The following MGAT4A variants were observed in gnomAD, a reference collection of about 807,000 sequenced individuals.
The protein encoded by MGAT4A is alpha-1,3-mannosyl-glycoprotein 4-beta-N-acetylglucosaminyltransferase A, also known as N-acetylglucosaminyltransferase IVa.
A neutral mutation model predicts 74.1 loss-of-function variants in MGAT4A; 33 were observed. The observed-to-expected ratio is 0.45, with a 90% CI of 0.34 to 0.60. The LOEUF (loss-of-function observed/expected upper bound fraction) is 0.60. Among genes scored for constraint, MGAT4A ranks in the 20% least tolerant of loss-of-function variants. The probability of loss-of-function intolerance (pLI) is 0.02; values close to 1 mark genes in which losing one functional copy is unlikely to be tolerated. For synonymous variants in MGAT4A, 198 were observed against 210.4 expected, an observed-to-expected ratio of 0.94 and a Z score of 0.51; for missense variants, 479 against 628.3, an observed-to-expected ratio of 0.76 and a Z score of 2.54.
chr2:98,625,084 C>A lies in MGAT4A; in HGVS notation c.*482G>T. The A allele has an allele frequency of 1.0e-6, 1 of 966,580 alleles. No homozygotes were observed. The highest frequency in any genetic ancestry group is 1.2e-6 in the Non-Finnish European group (1 of 812,848). 59.9% of individuals were successfully genotyped at this position (966,580 alleles called of 1,614,324 possible). On this transcript the variant is annotated 3_prime_UTR_variant, in exon 16 of 16. Transcript: ENST00000393487. ...AGTATCGATTCAAAAATCTACTGCA[C>A]AAAAATATGTACTTCTTAAGTGTTT...
At chr2:98,699,939 C>G (rs901830511) in intron 2 of MGAT4A, among the ~76,000 whole-genome samples, 1 of 152,126 alleles carries the variant, frequency 6.6e-6, no homozygotes, top group African/African-American at 2.4e-5. Context: ...ACATCTCTTG[C>G]CTGAGTCACG....
At chr2:98,631,879 G>A (rs916818012) in intron 14 of MGAT4A, among the ~76,000 whole-genome samples, 68 of 151,632 alleles carry the variant, frequency 4.5e-4, no homozygotes, top group East Asian at 7.8e-4. Flanking sequence ...CAGCACTTTG[G>A]GAGGCCGAGG....
In MGAT4A at chr2:98,624,448, C is replaced by G; in HGVS notation, c.*1118G>C. On this transcript the variant is annotated 3_prime_UTR_variant, in exon 16 of 16. Transcript: ENST00000393487. ...TAAATACAGTCTCTTGGACACGGGA[C>G]TCACTTATCAGTTCATACTACAATA... 2 of 966,920 alleles carry G rather than the reference C, an allele frequency of 2.1e-6. No homozygotes were observed. Among genetic ancestry groups the G allele is most frequent in the Non-Finnish European group, 2.5e-6 (2 of 813,210 alleles). 59.9% of individuals were successfully genotyped at this position (966,920 alleles called of 1,614,324 possible). A position where few individuals can be genotyped will look rare whatever the true frequency, so the allele number is the denominator to read the frequency against.
At chr2:98,715,419 G>T (rs913698022) in intron 2 of MGAT4A, among the ~76,000 whole-genome samples, 2 of 150,870 alleles carry the variant, frequency 1.3e-5, no homozygotes, top group African/African-American at 4.9e-5. Flanking sequence ...GATGGAAACA[G>T]AAAGTTACAT....
chr2:98,717,244 T>C (rs1053795588), intron 2 of MGAT4A, among the ~76,000 whole-genome samples: 4 of 151,822 alleles, frequency 2.6e-5, no homozygotes, highest in Non-Finnish European at 4.4e-5. Flanking sequence ...CCAGGCATAG[T>C]AGAGGGCACC....
chr2:98,684,880 T>A (rs1489374730), intron 2 of MGAT4A, among the ~76,000 whole-genome samples: 1 of 152,198 alleles, frequency 6.6e-6, no homozygotes, highest in Non-Finnish European at 1.5e-5. Context: ...ACTCTTTATT[T>A]CTTAATTTAA....
At chr2:98,723,327 G>A (rs1702709636) in intron 2 of MGAT4A, among the ~76,000 whole-genome samples, 1 of 152,176 alleles carries the variant, frequency 6.6e-6, no homozygotes, top group Admixed American at 6.5e-5. Context: ...GCAGAAGCAG[G>A]AGGAGAGCCG....
At chr2:98,664,179 T>C (rs1701792282) in intron 4 of MGAT4A, among the ~76,000 whole-genome samples, 1 of 106,786 alleles carries the variant, frequency 9.4e-6, no homozygotes. Flanking sequence ...CCAGCCTGGG[T>C]GACAAAGCAA....
At chr2:98,649,757 CAG>C (rs1365475851) in intron 8 of MGAT4A, among the ~76,000 whole-genome samples, 3 of 152,092 alleles carry the variant, frequency 2.0e-5, no homozygotes, top group African/African-American at 7.2e-5. Flanking sequence ...CAAAGGGCTC[CAG>C]AGTCTTTAAC....
At chr2:98,632,890 G>A (rs1161828887) in intron 14 of MGAT4A, among the ~76,000 whole-genome samples, 1 of 152,202 alleles carries the variant, frequency 6.6e-6, no homozygotes, top group Non-Finnish European at 1.5e-5. Flanking sequence ...CTACTAAGTA[G>A]CTGGAACTAC....
intron 8 of MGAT4A, among the ~76,000 whole-genome samples, chr2:98,646,835 T>G (rs1225330835): frequency 6.6e-6 from 1 of 152,214 alleles, no homozygotes; most frequent in Non-Finnish European, 1.5e-5. Context: ...GTTACATGGA[T>G]AGATTGCATA....
intron 2 of MGAT4A, among the ~76,000 whole-genome samples, chr2:98,723,899 T>C (rs923934843): frequency 6.6e-6 from 1 of 152,252 alleles, no homozygotes; most frequent in African/African-American, 2.4e-5. Flanking sequence ...TTAACTCCAC[T>C]ACTTAACATA....
Position 98,642,656 on chromosome 2 carries a change from C to T in MGAT4A, c.1020+1267G>A, listed in dbSNP as rs528349493. On this transcript the variant is annotated intron_variant, in intron 10 of 15. Transcript: ENST00000393487. ...GTGTATTGTAGGAGGTTAAAGATGACGTTAACTTTTTCTGTGTCCTACAAT... is the reference window on the plus strand; with the variant it reads ...GTGTATTGTAGGAGGTTAAAGATGATGTTAACTTTTTCTGTGTCCTACAAT... Among the ~76,000 whole-genome samples, 9 of 152,214 alleles carry T rather than the reference C, an allele frequency of 5.9e-5. No homozygotes were observed. The East Asian group carries it at 9.6e-4, about 16-fold the overall frequency.
intron 2 of MGAT4A, among the ~76,000 whole-genome samples, chr2:98,696,502 T>C (rs986874442): frequency 1.3e-5 from 2 of 152,240 alleles, no homozygotes; most frequent in Non-Finnish European, 2.9e-5. Flanking sequence ...CACTTTACTA[T>C]GTAATAGAAG....
chr2:98,658,117 C>T, intron 6 of MGAT4A, 101 bp downstream of exon 6: 1 of 751,038 alleles, frequency 1.3e-6, no homozygotes. Flanking sequence ...ATGAACTCCA[C>T]AGAGAAATGA....
chr2:98,645,613 G>A (rs916882048), intron 8 of MGAT4A, 71 bp from the exon 9 acceptor site: 4 of 1,083,814 alleles, frequency 3.7e-6, no homozygotes, highest in Non-Finnish European at 5.0e-6. Flanking sequence ...TATTATTATG[G>A]AAAAATACAA....
chr2:98,714,235 T>C (rs1702560446), intron 2 of MGAT4A, among the ~76,000 whole-genome samples: 1 of 152,110 alleles, frequency 6.6e-6, no homozygotes, highest in African/African-American at 2.4e-5. Flanking sequence ...TACAGGCACA[T>C]CCACCATGCC....
intron 13 of MGAT4A, 87 bp downstream of exon 13, chr2:98,636,430 T>G (rs1701322724): frequency 1.0e-6 from 1 of 995,274 alleles, no homozygotes; most frequent in Non-Finnish European, 1.6e-6. Flanking sequence ...ATGAGAATTT[T>G]CTTTCCCCTT....
chr2:98,647,612 C>T (rs1701512264), intron 8 of MGAT4A, among the ~76,000 whole-genome samples: 5 of 152,266 alleles, frequency 3.3e-5, no homozygotes, highest in Admixed American at 2.6e-4. Flanking sequence ...AGCCACTGCG[C>T]CCGGCCCATA....
Sources: allele counts gnomAD v4.1 joint callset (sites outside exome capture counted in the v4.1 genomes callset), GRCh38; gene constraint gnomAD v4.1.1; transcripts MANE v1.5; gene names NCBI Gene and HGNC (gene_info 2026-07-23, HGNC 2026-07-21).